Variants in RBPMS observed in about 807,000 individuals in gnomAD.
RBPMS encodes RNA-binding protein with multiple splicing.
A neutral mutation model predicts 26.8 loss-of-function variants in RBPMS; 7 were observed. The observed-to-expected ratio is 0.26, with a 90% CI of 0.15 to 0.49. The LOEUF (loss-of-function observed/expected upper bound fraction) is 0.49. Ranked by LOEUF, RBPMS falls within the 20% of genes least tolerant of loss-of-function variation. RBPMS has a pLI of 0.98. For missense variants in RBPMS, 186 were observed against 250.0 expected, an observed-to-expected ratio of 0.74 and a Z score of 1.73; for synonymous variants, 96 against 93.3, an observed-to-expected ratio of 1.03 and a Z score of -0.17.
intron 1 of RBPMS, among the ~76,000 whole-genome samples, chr8:30,449,999 C>G (rs185079861): frequency 6.6e-6 from 1 of 152,176 alleles, no homozygotes; most frequent in African/African-American, 2.4e-5. Flanking sequence ...GGGCTCCAAG[C>G]CTTTTTAAAG....
chr8:30,505,729 G>A (rs932267571), intron 5 of RBPMS, among the ~76,000 whole-genome samples: 11 of 152,046 alleles, frequency 7.2e-5, no homozygotes, highest in African/African-American at 2.4e-4. Flanking sequence ...TTAATACTTT[G>A]TATATTGTAT....
chr8:30,445,649 GAT>G (rs59580323), intron 1 of RBPMS, among the ~76,000 whole-genome samples: 31,817 of 107,200 alleles, frequency 0.3, 5,395 homozygotes, highest in South Asian at 0.47. Context: ...TATACACACG[GAT>G]ATATATATAT....
rs1222322009 is a variant in RBPMS at position 30,466,652 on chromosome 8, T to C, written c.67-8127T>C. On this transcript the variant is annotated intron_variant, in intron 1 of 8. Transcript: ENST00000397323. Reference sequence around the variant, plus strand: ...CTCTGTTGCCCAGGCTAGAGTGCAGTGGCGCAATCTCGGCTCACAGCAACC... The same window carrying C: ...CTCTGTTGCCCAGGCTAGAGTGCAGCGGCGCAATCTCGGCTCACAGCAACC... Among the ~76,000 whole-genome samples, 6 of 151,164 alleles carry C rather than the reference T, an allele frequency of 4.0e-5. No homozygotes were observed. In the East Asian group the frequency reaches 1.2e-3, roughly 29 times the overall value.
chr8:30,449,735 C>T (rs1346970393), intron 1 of RBPMS, among the ~76,000 whole-genome samples: 1 of 152,218 alleles, frequency 6.6e-6, no homozygotes, highest in Non-Finnish European at 1.5e-5. Context: ...CAAGGAGAAA[C>T]TTGGCCTCAG....
chr8:30,539,672 C>A (rs1825172781), intron 5 of RBPMS, among the ~76,000 whole-genome samples: 1 of 150,186 alleles, frequency 6.7e-6, no homozygotes, highest in African/African-American at 2.5e-5. Flanking sequence ...GTCGCCCAGG[C>A]TGGAGTGCAG....
chr8:30,517,123 C>G (rs866366227), intron 5 of RBPMS, among the ~76,000 whole-genome samples: 1 of 151,240 alleles, frequency 6.6e-6, no homozygotes, highest in Non-Finnish European at 1.5e-5. Flanking sequence ...GCTCTGATAC[C>G]TGCTTTCATT....
intron 1 of RBPMS, among the ~76,000 whole-genome samples, chr8:30,429,353 G>A (rs1262553949): frequency 1.3e-5 from 2 of 152,004 alleles, no homozygotes; most frequent in African/African-American, 4.8e-5. Flanking sequence ...AAGCTTTCCT[G>A]GACTCCCCAG....
chr8:30,552,204 T>G (rs1826444218), intron 6 of RBPMS: 1 of 152,146 alleles, frequency 6.6e-6, no homozygotes, highest in African/African-American at 2.4e-5. Context: ...GCTGGGTGTG[T>G]ACCCAAGGTT....
intron 1 of RBPMS, among the ~76,000 whole-genome samples, chr8:30,445,524 TAA>T (rs1014571212): frequency 6.6e-5 from 10 of 151,946 alleles, no homozygotes; most frequent in African/African-American, 2.4e-4. Context: ...TAGTTTCTTT[TAA>T]AAATTCTCTG....
intron 6 of RBPMS, 28 bp from the exon 7 acceptor site, chr8:30,558,859 C>T: frequency 6.2e-7 from 1 of 1,605,174 alleles, no homozygotes; most frequent in Non-Finnish European, 8.5e-7. Context: ...GGAGCCCTGG[C>T]TCACGGCCTT....
At chr8:30,471,240 A>G (rs1157619361) in intron 1 of RBPMS, among the ~76,000 whole-genome samples, 1 of 152,182 alleles carries the variant, frequency 6.6e-6, no homozygotes, top group Admixed American at 6.5e-5. Context: ...GTGGAACTAT[A>G]TATACTTTTT....
At chr8:30,463,521 G>A (rs930940568) in intron 1 of RBPMS, among the ~76,000 whole-genome samples, 4 of 152,220 alleles carry the variant, frequency 2.6e-5, no homozygotes, top group African/African-American at 4.8e-5. Context: ...TAATTCAAGA[G>A]CTGCTTCTGC....
chr8:30,548,149 A>G (rs923593618), intron 6 of RBPMS, among the ~76,000 whole-genome samples: 1 of 152,210 alleles, frequency 6.6e-6, no homozygotes, highest in Admixed American at 6.5e-5. Context: ...GTTTACTTTC[A>G]AGGTCATTGG....
intron 7 of RBPMS, among the ~76,000 whole-genome samples, chr8:30,563,159 A>G (rs1206223726): frequency 1.3e-5 from 2 of 151,990 alleles, no homozygotes; most frequent in Non-Finnish European, 2.9e-5. Flanking sequence ...TTCCTGTGGC[A>G]TAAGCAAGGC....
At chr8:30,516,903 T>TACACACACACACACACACACACACAC (rs139256402) in intron 5 of RBPMS, among the ~76,000 whole-genome samples, 20 of 147,386 alleles carry the variant, frequency 1.4e-4, no homozygotes, top group East Asian at 6.3e-4. Context: ...CATCTCTAAA[T>TACACACACACACACACACACACACAC]ACACACACAC....
chr8:30,529,590 T>C (rs1391621448), intron 5 of RBPMS, among the ~76,000 whole-genome samples: 1 of 152,198 alleles, frequency 6.6e-6, no homozygotes, highest in Non-Finnish European at 1.5e-5. Flanking sequence ...TGTCACCTGG[T>C]AGCTGAAAAT....
chr8:30,442,144 C>T (rs572887116), intron 1 of RBPMS, among the ~76,000 whole-genome samples: 19 of 152,186 alleles, frequency 1.2e-4, no homozygotes, highest in African/African-American at 4.6e-4. Flanking sequence ...CCAGGCTGGT[C>T]TCGAACTCCT....
chr8:30,569,046 G>C (rs1337450424), intron 8 of RBPMS, among the ~76,000 whole-genome samples: 1 of 151,730 alleles, frequency 6.6e-6, no homozygotes, highest in Admixed American at 6.6e-5. Flanking sequence ...AAGCTGCGTG[G>C]TTCATTACCC....
chr8:30,555,639 T>C (rs1826810570), intron 6 of RBPMS, among the ~76,000 whole-genome samples: 1 of 152,234 alleles, frequency 6.6e-6, no homozygotes, highest in Non-Finnish European at 1.5e-5. Flanking sequence ...GAGGGGCCGC[T>C]GCCTTGCATG....
Sources: gnomAD v4.1 joint callset for allele counts (sites outside exome capture counted in the v4.1 genomes callset) on GRCh38, gnomAD v4.1.1 for gene constraint, MANE v1.5 for transcripts, NCBI Gene and HGNC (gene_info 2026-07-23, HGNC 2026-07-21) for gene names.